The following DLC1 variants were observed in gnomAD, a reference collection of about 807,000 sequenced individuals.
The protein encoded by DLC1 is rho GTPase-activating protein 7.
Under a neutral mutation model 140.3 loss-of-function variants are expected in DLC1, and 54 were observed. The ratio of observed to expected loss-of-function variants is 0.38; its 90% CI spans 0.31 to 0.48. The LOEUF (loss-of-function observed/expected upper bound fraction) is 0.48. Ranked by LOEUF, DLC1 falls within the 20% of genes least tolerant of loss-of-function variation. The pLI, the probability that DLC1 is intolerant of heterozygous loss-of-function variation, is 0.96. For synonymous variants in DLC1, 986 were observed against 728.1 expected, an observed-to-expected ratio of 1.35 and a Z score of -5.70; for missense variants, 2,536 against 1,907.0, an observed-to-expected ratio of 1.33 and a Z score of -6.14.
At chr8:13,317,562 G>C (rs1331232304) in intron 4 of DLC1, among the ~76,000 whole-genome samples, 5 of 152,112 alleles carry the variant, frequency 3.3e-5, no homozygotes, top group African/African-American at 9.7e-5. Context: ...AGACGAAATG[G>C]CTATGGTCAG....
At chr8:13,292,902 T>C (rs75657039) in intron 5 of DLC1, among the ~76,000 whole-genome samples, 10,672 of 152,180 alleles carry the variant, frequency 0.07, 456 homozygotes, top group South Asian at 0.13. Context: ...CAGCATGTGA[T>C]CCAAACAAAT....
intron 1 of DLC1, among the ~76,000 whole-genome samples, chr8:13,542,804 T>C (rs1394759740): frequency 2.0e-5 from 3 of 152,144 alleles, no homozygotes; most frequent in Admixed American, 6.5e-5. Flanking sequence ...TTGAGTTTTT[T>C]ATATTTATAT....
At chr8:13,417,042 G>T (rs1472389098) in intron 2 of DLC1, among the ~76,000 whole-genome samples, 1 of 152,086 alleles carries the variant, frequency 6.6e-6, no homozygotes, top group African/African-American at 2.4e-5. Flanking sequence ...AGTCGGGCTA[G>T]TTAAAATGAC....
chr8:13,101,240 G>T (rs367765534), intron 8 of DLC1, among the ~76,000 whole-genome samples: 9 of 152,272 alleles, frequency 5.9e-5, no homozygotes, highest in Admixed American at 1.3e-4. Flanking sequence ...TAACAAAGAT[G>T]TATTTAAAGA....
chr8:13,362,197 C>T (rs986555902), intron 4 of DLC1, among the ~76,000 whole-genome samples: 12 of 152,144 alleles, frequency 7.9e-5, no homozygotes, highest in African/African-American at 2.7e-4. Context: ...ACAACATCTG[C>T]AGGGAAGATG....
intron 2 of DLC1, among the ~76,000 whole-genome samples, chr8:13,435,492 T>C (rs1291460581): frequency 1.3e-5 from 2 of 152,108 alleles, no homozygotes; most frequent in Admixed American, 6.5e-5. Context: ...TTTTGTATTT[T>C]TAGTAGAGAT....
At chr8:13,594,443 A>G (rs143541823) in intron 1 of DLC1, among the ~76,000 whole-genome samples, 3 of 152,094 alleles carry the variant, frequency 2.0e-5, no homozygotes, top group African/African-American at 7.2e-5. Flanking sequence ...ACTACTATCT[A>G]TCCTCATTTT....
Position 13,090,277 on chromosome 8 carries a change from T to C in DLC1, c.4049A>G (p.Glu1350Gly), listed in dbSNP as rs1817936254. The C allele has an allele frequency of 2.5e-6, 4 of 1,614,152 alleles. No individual in the cohort carries two copies. In the East Asian group the frequency reaches 8.9e-5, roughly 36 times the overall value. Residue 1350 changes from glutamate (E) to glycine (G), a missense_variant, in exon 15 of 18, where the codon GAG (glutamate) becomes GGG (glycine). Physicochemically the swap from Glu to Gly is moderately conservative, Grantham distance 98 (BLOSUM62 -2). Transcript: ENST00000276297. ...CTTCTTATAGGACAGCTCAGCCTGC[T>C]CCGAAGTGGAGTAGCTGACCCAGCC... ...FKGWVSYSTS[E>G]QAELSYKKVS... is the part of the protein sequence containing the mutation.
chr8:13,433,907 G>C (rs1838996426), intron 2 of DLC1, among the ~76,000 whole-genome samples: 1 of 152,204 alleles, frequency 6.6e-6, no homozygotes, highest in Non-Finnish European at 1.5e-5. Flanking sequence ...CCAGGCTGGA[G>C]TGCAATGGCA....
chr8:13,102,751 C>CT (rs1287311396), intron 8 of DLC1, 39 bp downstream of exon 8: 1 of 1,573,082 alleles, frequency 6.4e-7, no homozygotes, highest in African/African-American at 1.4e-5. Flanking sequence ...TTGTTTGCCC[C>CT]TTTTCCCCCT....
intron 1 of DLC1, among the ~76,000 whole-genome samples, chr8:13,569,635 C>A (rs1295423525): frequency 6.6e-6 from 1 of 152,172 alleles, no homozygotes; most frequent in Non-Finnish European, 1.5e-5. Flanking sequence ...TTTTTCAACT[C>A]AACCCCAAGC....
At chr8:13,173,724 T>G (rs1825615696) in intron 5 of DLC1, among the ~76,000 whole-genome samples, 1 of 152,206 alleles carries the variant, frequency 6.6e-6, no homozygotes, top group Non-Finnish European at 1.5e-5. Flanking sequence ...TTTAGTTGCT[T>G]GAATTAGAAC....
intron 5 of DLC1, among the ~76,000 whole-genome samples, chr8:13,125,697 G>GA (rs1821496906): frequency 6.6e-6 from 1 of 151,996 alleles, no homozygotes; most frequent in African/African-American, 2.4e-5. Context: ...TCCTAGTAAG[G>GA]AATGGAAGCT....
At chr8:13,531,509 C>G (rs1803096282) in intron 1 of DLC1, among the ~76,000 whole-genome samples, 1 of 152,140 alleles carries the variant, frequency 6.6e-6, no homozygotes, top group African/African-American at 2.4e-5. Flanking sequence ...TCACTTGAAC[C>G]TGGGAGGTGC....
At chr8:13,343,442 A>T (rs2116995064) in intron 4 of DLC1, among the ~76,000 whole-genome samples, 1 of 152,308 alleles carries the variant, frequency 6.6e-6, no homozygotes, top group Non-Finnish European at 1.5e-5. Context: ...GTCTCTTTAC[A>T]CTGGGAGCTA....
chr8:13,249,177 A>G (rs980299633), intron 5 of DLC1, among the ~76,000 whole-genome samples: 1 of 152,136 alleles, frequency 6.6e-6, no homozygotes, highest in African/African-American at 2.4e-5. Context: ...CCTGGGTTCA[A>G]GCGGTTCTCC....
At chr8:13,463,780 C>A (rs962115631) in intron 2 of DLC1, among the ~76,000 whole-genome samples, 1 of 152,122 alleles carries the variant, frequency 6.6e-6, no homozygotes, top group Non-Finnish European at 1.5e-5. Context: ...TCTTTAAAGA[C>A]TGGGATTATC....
At chr8:13,443,048 T>A (rs1227123411) in intron 2 of DLC1, among the ~76,000 whole-genome samples, 1 of 152,106 alleles carries the variant, frequency 6.6e-6, no homozygotes, top group Admixed American at 6.5e-5. Context: ...GTTCATGTCC[T>A]TTGTAGGGAC....
At chr8:13,516,318 T>C (rs1056187029), upstream of DLC1, among the ~76,000 whole-genome samples, 1 of 152,208 alleles carries the variant, frequency 6.6e-6, no homozygotes, top group African/African-American at 2.4e-5. Flanking sequence ...CTTAAACTTG[T>C]TGGCCCTAAG....
Sources: gnomAD v4.1 joint callset for allele counts (sites outside exome capture counted in the v4.1 genomes callset) on GRCh38, gnomAD v4.1.1 for gene constraint, MANE v1.5 for transcripts, NCBI Gene and HGNC (gene_info 2026-07-23, HGNC 2026-07-21) for gene names.